MTIF2: variants seen among roughly 807,000 people sequenced by gnomAD.
MTIF2 encodes translation initiation factor IF-2, mitochondrial.
A neutral mutation model predicts 83.5 loss-of-function variants in MTIF2; 71 were observed. The ratio of observed to expected loss-of-function variants is 0.85; its 90% CI spans 0.70 to 1.04. The LOEUF is 1.04. MTIF2 is among the 50% of genes least tolerant of loss of function. The pLI, the probability that MTIF2 is intolerant of heterozygous loss-of-function variation, is 0.00. For missense variants in MTIF2, 957 were observed against 846.5 expected (o/e 1.13, Z -1.62); for synonymous variants, 319 against 287.1 (o/e 1.11, Z -1.12).
At chr2:55,264,138 T>A (rs1363053453) in intron 3 of MTIF2, among the ~76,000 whole-genome samples, 1 of 152,254 alleles carries the variant, frequency 6.6e-6, no homozygotes, top group Non-Finnish European at 1.5e-5. Flanking sequence ...GGCTCTTTTT[T>A]CACTCTTGAA....
At chr2:55,238,804 TCTGA>T (rs919195519) in intron 14 of MTIF2, among the ~76,000 whole-genome samples, 5 of 152,242 alleles carry the variant, frequency 3.3e-5, no homozygotes, top group African/African-American at 9.6e-5. Flanking sequence ...GTTAGTGTTA[TCTGA>T]CTGGTGTCTT....
intron 8 of MTIF2, 149 bp downstream of exon 8, chr2:55,252,328 G>A: frequency 3.0e-6 from 2 of 664,310 alleles, no homozygotes; most frequent in Non-Finnish European, 2.5e-6. Context: ...TTAGTTATAA[G>A]TCTGTGGGAA....
At position 55,236,697 on chromosome 2, in the gene MTIF2, TAAC is replaced by T. The variant is rs1558542931; in HGVS notation, c.2132_2134del (p.Cys711del). ...CTTGGCTTGAATTTGCTTTTCTTCA[TAAC>T]AAACAATTCTGTCTCCCACTTGAAA... On this transcript the variant is annotated inframe_deletion, in exon 16 of 16. Transcript: ENST00000263629. The T allele has an allele frequency of 1.2e-6, 2 of 1,604,830 alleles. No homozygotes were observed. The highest frequency in any genetic ancestry group is 1.7e-6 in the Non-Finnish European group (2 of 1,177,542).
chr2:55,248,614 T>C (rs1329879819), intron 9 of MTIF2, among the ~76,000 whole-genome samples: 1 of 152,228 alleles, frequency 6.6e-6, no homozygotes, highest in African/African-American at 2.4e-5. Flanking sequence ...GAATAGATGG[T>C]AATCTTAAAG....
At chr2:55,244,272 G>A (rs776956256) in intron 10 of MTIF2, 39 bp from the exon 11 acceptor site, 22 of 1,386,822 alleles carry the variant, frequency 1.6e-5, no homozygotes, top group Middle Eastern at 1.8e-4. Flanking sequence ...ATGTCATAAT[G>A]TACTTTAAGT....
In MTIF2 at chr2:55,252,400, G is replaced by A. The variant is rs931441102; in HGVS notation, c.841+77C>T. 4.8e-6 allele frequency: 6 copies of A among 1,253,088 alleles called. No homozygotes were observed. The African/African-American group carries it at 7.5e-5, about 16-fold the overall frequency. 77.6% of individuals were successfully genotyped at this position (1,253,088 alleles called of 1,614,324 possible). A position where few individuals can be genotyped will look rare whatever the true frequency, so the allele number is the denominator to read the frequency against. On this transcript the variant is annotated intron_variant, in intron 8 of 15. Coordinates refer to ENST00000263629, the MANE Select transcript of MTIF2 (RefSeq NM_002453.3). ...ATAATAACTCTGGGATTGTTGTGAA[G>A]ACTAAATGAGCTATATGTAAATGGC...
intron 14 of MTIF2, among the ~76,000 whole-genome samples, chr2:55,239,678 A>G (rs1676154431): frequency 6.6e-6 from 1 of 152,218 alleles, no homozygotes; most frequent in African/African-American, 2.4e-5. Flanking sequence ...GCCCCACAAC[A>G]AAGTCAACAG....
In MTIF2 at chr2:55,254,771, G is replaced by C; in HGVS notation, c.386C>G (p.Ala129Gly). ...NTDIDIDSLE[A>G]DSHLDEVWIK... is the part of the protein sequence containing the mutation. ...CCAGACTTCATCTAAATGTGAGTCT[G>C]CTTCCAGTGAATCTATGTCAATATC... is the stretch of plus-strand genomic sequence containing the variant. Residue 129 changes from alanine (A) to glycine (G), a missense_variant, in exon 6 of 16, where the codon GCA (alanine) becomes GGA (glycine). Physicochemically the swap from Ala to Gly is moderately conservative, Grantham distance 60. This residue lies in a region of MTIF2 where 733 missense variants were observed against 648.7 expected (regional missense o/e 1.13). Transcript: ENST00000263629. 1 of 1,609,318 alleles carries C rather than the reference G, an allele frequency of 6.2e-7. No homozygotes were observed.
intron 8 of MTIF2, among the ~76,000 whole-genome samples, chr2:55,252,133 G>C (rs948628494): frequency 2.0e-5 from 3 of 152,062 alleles, no homozygotes; most frequent in Non-Finnish European, 4.4e-5. Context: ...TAACCACTAT[G>C]CAACTCCTAA....
Position 55,237,382 on chromosome 2 carries a change from T to C in MTIF2, c.1917A>G (p.Lys639=). ...LATFSVTEGK[K]KVPVAGCRVQ... ...CTCTGCAGCCAGCCACAGGAACTTT[T>C]TTCTTCCCTTCTGTTACAGAGAAGG... is the stretch of plus-strand genomic sequence containing the variant. Residue 639 remains lysine (K), a synonymous_variant, in exon 15 of 16, where the codon AAA becomes AAG. Transcript: ENST00000263629. 6 of 1,612,916 alleles carry C rather than the reference T, an allele frequency of 3.7e-6. No homozygotes were observed. Among genetic ancestry groups the C allele is most frequent in the Non-Finnish European group, 4.2e-6 (5 of 1,179,946 alleles).
chr2:55,255,863 C>A (rs781293574), intron 5 of MTIF2, among the ~76,000 whole-genome samples: 1 of 151,972 alleles, frequency 6.6e-6, no homozygotes, highest in Non-Finnish European at 1.5e-5. Context: ...TGCAAGAGAA[C>A]CTGAGTACTG....
At chr2:55,243,973 C>T in intron 11 of MTIF2, 56 bp downstream of exon 11, 2 of 1,362,126 alleles carry the variant, frequency 1.5e-6, no homozygotes, top group Non-Finnish European at 2.0e-6. Context: ...ACATTGTAAA[C>T]TGGCATTTAA....
chr2:55,262,485 T>C, intron 4 of MTIF2, 58 bp from the exon 5 acceptor site: 1 of 1,026,374 alleles, frequency 9.7e-7, no homozygotes, highest in Non-Finnish European at 1.5e-6. Flanking sequence ...AGTGACAATT[T>C]AGATTTATTC....
chr2:55,250,068 G>C (rs938318133), intron 8 of MTIF2, among the ~76,000 whole-genome samples: 1 of 152,198 alleles, frequency 6.6e-6, no homozygotes, highest in Middle Eastern at 3.4e-3. Context: ...ACTCCAGCAT[G>C]GGCAACAGAG....
Position 55,237,323 on chromosome 2 carries a change from A to T in MTIF2, c.1976T>A (p.Phe659Tyr), listed in dbSNP as rs201850533. The T allele has an allele frequency of 6.8e-6, 11 of 1,612,814 alleles. No homozygotes were observed. The highest frequency in any genetic ancestry group is 9.3e-6 in the Non-Finnish European group (11 of 1,179,858). Residue 659 changes from phenylalanine to tyrosine, a missense_variant, in exon 15 of 16, where the codon TTT (phenylalanine) becomes TAT (tyrosine). Around this residue, in one of 3 missense-constraint regions of MTIF2, gnomAD observed 221 missense variants for 180.6 expected, o/e 1.22. Transcript: ENST00000263629. ...TACATGTCCATTACGGGTTAGTTTAAATTTTTTTTGTTTTTCTAACTGTCC... is the reference window on the plus strand; with the variant it reads ...TACATGTCCATTACGGGTTAGTTTATATTTTTTTTGTTTTTCTAACTGTCC... ...QKGQLEKQKK[F>Y]KLTRNGHVIW...
chr2:55,250,159 C>G (rs962112454), intron 8 of MTIF2, among the ~76,000 whole-genome samples: 3 of 152,130 alleles, frequency 2.0e-5, no homozygotes, highest in Non-Finnish European at 2.9e-5. Flanking sequence ...AGGACCCCCA[C>G]CACTGCCTAT....
chr2:55,267,423 T>TCAC (rs1678521278), intron 3 of MTIF2, 146 bp downstream of exon 3: 1 of 152,464 alleles, frequency 6.6e-6, no homozygotes, highest in South Asian at 2.1e-4. Flanking sequence ...CCTCCCAAAG[T>TCAC]GCTGGGATTA....
chr2:55,253,583 G>A (rs1045364200), intron 7 of MTIF2, among the ~76,000 whole-genome samples: 8 of 152,164 alleles, frequency 5.3e-5, no homozygotes, highest in African/African-American at 1.9e-4. Context: ...TTGGGAGGCT[G>A]AGGCAGGCGG....
chr2:55,258,421 C>T (rs1477156201), intron 5 of MTIF2, among the ~76,000 whole-genome samples: 2 of 152,230 alleles, frequency 1.3e-5, no homozygotes, highest in East Asian at 3.9e-4. Flanking sequence ...GTAATCCCAC[C>T]ACTTTGGGAA....
Sources: allele counts gnomAD v4.1 joint callset (sites outside exome capture counted in the v4.1 genomes callset), GRCh38; gene constraint gnomAD v4.1.1; regional missense constraint gnomAD v4.1.1; transcripts MANE v1.5; gene names NCBI Gene and HGNC (gene_info 2026-07-23, HGNC 2026-07-21).